Variants in EPN2 observed in about 807,000 individuals in gnomAD.
EPN2 encodes the protein epsin 2, also known as epsin-2.
Under a neutral mutation model 61.7 loss-of-function variants are expected in EPN2, and 34 were observed. That is an observed-to-expected ratio of 0.55 (90% CI 0.42 to 0.73). The LOEUF is 0.73. Ranked by LOEUF, EPN2 falls within the 30% of genes least tolerant of loss-of-function variation. The pLI is 0.00. For missense variants in EPN2, 714 were observed against 839.2 expected, an observed-to-expected ratio of 0.85 and a Z score of 1.84; for synonymous variants, 349 against 353.6, an observed-to-expected ratio of 0.99 and a Z score of 0.15.
At chr17:19,288,475 T>A (rs1206046570) in intron 4 of EPN2, among the ~76,000 whole-genome samples, 1 of 152,170 alleles carries the variant, frequency 6.6e-6, no homozygotes, top group Admixed American at 6.5e-5. Context: ...TGGCTTGCAG[T>A]ATGAATGGAT....
In EPN2 at chr17:19,280,154, G is replaced by GACAAA. The variant is rs200386035; in HGVS notation, c.-293-1801_-293-1800insACAAA. ...ATGCCCAGCCAAAGTCTTTGTCAGT[G>GACAAA]GTGAATCCTAGCTCTGCCCACTTCT... On this transcript the variant is annotated intron_variant, in intron 1 of 10. Coordinates refer to ENST00000314728, the MANE Select transcript of EPN2 (RefSeq NM_014964.5). 6.5e-3 allele frequency among the ~76,000 whole-genome samples: 985 copies of GACAAA among 152,154 alleles called. 50 individuals carry two copies. The East Asian group carries it at 0.12, about 18-fold the overall frequency.
chr17:19,295,374 G>GCGCGCA (rs2045509054), intron 4 of EPN2, among the ~76,000 whole-genome samples: 5 of 102,678 alleles, frequency 4.9e-5, no homozygotes, highest in Admixed American at 4.1e-4. Flanking sequence ...ACACGCGCGT[G>GCGCGCA]CGCGCAAAAT....
chr17:19,302,589 C>G (rs1334512418), intron 4 of EPN2, among the ~76,000 whole-genome samples: 1 of 152,166 alleles, frequency 6.6e-6, no homozygotes, highest in East Asian at 1.9e-4. Flanking sequence ...TGTGTAGTTG[C>G]AAGGAAACAA....
intron 1 of EPN2, among the ~76,000 whole-genome samples, chr17:19,269,156 C>T (rs2045229947): frequency 6.6e-6 from 1 of 152,146 alleles, no homozygotes; most frequent in Non-Finnish European, 1.5e-5. Context: ...TTTAAGAAAA[C>T]AGAAGAACAA....
rs1385573712 is a variant in EPN2, at chr17:19,336,446, C to G, written c.*2192C>G. The G allele has an allele frequency of 6.6e-6, 1 of 152,644 alleles. No individual in the cohort carries two copies. Among genetic ancestry groups the G allele is most frequent in the African/African-American group, 2.4e-5 (1 of 41,462 alleles). 9.5% of individuals were successfully genotyped at this position (152,644 alleles called of 1,614,324 possible). On this transcript the variant is annotated 3_prime_UTR_variant, in exon 11 of 11. Transcript: ENST00000314728. The stretch of plus-strand genomic sequence containing the variant: ...CCCCAACATGACAGCCACTGGGCCA[C>G]CGGGACCCAAGAAGACAGCCCCCTG...
chr17:19,328,635 T>C, intron 7 of EPN2, 76 bp from the exon 8 acceptor site: 2 of 1,368,322 alleles, frequency 1.5e-6, no homozygotes, highest in Non-Finnish European at 2.0e-6. Context: ...TGGCTGGCAG[T>C]ATCCTTTTCC....
At chr17:19,253,217 A>G (rs1474844437) in intron 1 of EPN2, among the ~76,000 whole-genome samples, 1 of 152,114 alleles carries the variant, frequency 6.6e-6, no homozygotes, top group African/African-American at 2.4e-5. Flanking sequence ...AAATGCAGTT[A>G]TACAATATCT....
chr17:19,318,549 C>CCAAA (rs544539303), intron 7 of EPN2, among the ~76,000 whole-genome samples: 2 of 24,770 alleles, frequency 8.1e-5, no homozygotes, highest in African/African-American at 2.5e-4. Context: ...GACTCCATCT[C>CCAAA]AAAAAAAAAA....
chr17:19,328,572 G>T (rs1451503389), intron 7 of EPN2, 139 bp from the exon 8 acceptor site: 1 of 764,546 alleles, frequency 1.3e-6, no homozygotes, highest in South Asian at 2.3e-5. Context: ...GCTGGCGTGG[G>T]ACAGTACCCT....
At chr17:19,281,560 G>A (rs1206871267) in intron 1 of EPN2, among the ~76,000 whole-genome samples, 1 of 152,156 alleles carries the variant, frequency 6.6e-6, no homozygotes, top group Non-Finnish European at 1.5e-5. Context: ...GAAGGTAGGA[G>A]CTACCTGTTG....
chr17:19,247,240 C>T (rs534031762), intron 1 of EPN2, among the ~76,000 whole-genome samples: 1 of 152,204 alleles, frequency 6.6e-6, no homozygotes, highest in East Asian at 1.9e-4. Context: ...ATGACTGAGG[C>T]CAGTGTCAAC....
At chr17:19,305,257 G>T (rs190744223) in intron 4 of EPN2, among the ~76,000 whole-genome samples, 1 of 151,982 alleles carries the variant, frequency 6.6e-6, no homozygotes, top group South Asian at 2.1e-4. Context: ...GGGTAGCTGG[G>T]ACTACAGGCA....
Position 19,283,175 on chromosome 17 carries a change from A to G in EPN2, c.56A>G (p.Glu19Gly), listed in dbSNP as rs1160776442. 6 of 1,614,014 alleles carry G rather than the reference A, an allele frequency of 3.7e-6. No individual in the cohort carries two copies. ...QMKNIVNNYSEAEIKVREATS... is the reference protein window; with the variant it reads ...QMKNIVNNYSGAEIKVREATS... Reference sequence around the variant, plus strand: ...AAAAACATCGTGAACAATTACTCAGAGGCAGAAATCAAAGTCCGGGAAGCC... The same window carrying G: ...AAAAACATCGTGAACAATTACTCAGGGGCAGAAATCAAAGTCCGGGAAGCC... The change falls in exon 3 of 11, where the codon GAG becomes GGG. Residue 19 changes from glutamate to glycine, a missense_variant. This residue lies in a region of EPN2 where 304 missense variants were observed against 417.4 expected (regional missense o/e 0.73). Coordinates refer to ENST00000314728, the MANE Select transcript of EPN2 (RefSeq NM_014964.5). This position sits in a 1 kb window ranked among gnomAD's most constrained non-coding sequence, Gnocchi z 7.0.
Position 19,318,409 on chromosome 17 carries a change from C to T in EPN2, c.1147+5130C>T, listed in dbSNP as rs71369415. ...ACTGAAAATACAAAAACTAGCCAGGCGTAGTGGTGGGCACTTGTAATCCCA... is the reference window on the plus strand; with the variant it reads ...ACTGAAAATACAAAAACTAGCCAGGTGTAGTGGTGGGCACTTGTAATCCCA... On this transcript the variant is annotated intron_variant, in intron 7 of 10. Coordinates refer to ENST00000314728, the MANE Select transcript of EPN2 (RefSeq NM_014964.5). Among the ~76,000 whole-genome samples the T allele has an allele frequency of 8.7e-3, 1,319 of 151,680 alleles. 6 individuals are homozygous for T. The highest frequency in any genetic ancestry group is 0.015 in the Non-Finnish European group (1,026 of 67,876).
chr17:19,290,825 G>A (rs908574913), intron 4 of EPN2, among the ~76,000 whole-genome samples: 1 of 152,122 alleles, frequency 6.6e-6, no homozygotes, highest in African/African-American at 2.4e-5. Context: ...AAGCAGTGGT[G>A]GGCTTTGTAC....
At chr17:19,256,190 G>A (rs2045076849) in intron 1 of EPN2, among the ~76,000 whole-genome samples, 1 of 151,982 alleles carries the variant, frequency 6.6e-6, no homozygotes, top group Non-Finnish European at 1.5e-5. Context: ...GCCCACCTTG[G>A]CCTCCCAAAG....
chr17:19,297,064 A>G (rs974239428), intron 4 of EPN2: 1 of 152,256 alleles, frequency 6.6e-6, no homozygotes, highest in East Asian at 1.9e-4. Context: ...ACAGTTGTAC[A>G]TAGTATTCCT....
rs59441449 is a variant in EPN2, at chr17:19,300,446, T to TTC, written c.767-9439_767-9438insTC. Among the ~76,000 whole-genome samples, 4 of 150,202 alleles carry TTC rather than the reference T, an allele frequency of 2.7e-5. 1 individual carries two copies. Among genetic ancestry groups the TTC allele is most frequent in the Non-Finnish European group, 5.9e-5 (4 of 67,544 alleles). ...GTAAATCTTTTTTTTTTTTTTTTTT[T>TTC]GGAGACAGAGTCGCTCTTGTTGCCC... On this transcript the variant is annotated intron_variant, in intron 4 of 10. Transcript: ENST00000314728.
At chr17:19,331,790 A>T in intron 9 of EPN2, 63 bp from the exon 10 acceptor site, 1 of 1,421,394 alleles carries the variant, frequency 7.0e-7, no homozygotes, top group Non-Finnish European at 9.9e-7. Context: ...GTTTTGTGTT[A>T]AGTACACAGT....
Sources: allele counts gnomAD v4.1 joint callset (sites outside exome capture counted in the v4.1 genomes callset), GRCh38; gene constraint gnomAD v4.1.1; regional missense constraint gnomAD v4.1.1; non-coding constraint Gnocchi (gnomAD v3.1); transcripts MANE v1.5; gene names NCBI Gene and HGNC (gene_info 2026-07-23, HGNC 2026-07-21).